Variants in ZFPL1 observed in about 807,000 individuals in gnomAD.
ZFPL1 encodes the protein zinc finger protein-like 1.
Under a neutral mutation model 32.0 loss-of-function variants are expected in ZFPL1, and 28 were observed. The observed-to-expected ratio is 0.87, with a 90% confidence interval of 0.65 to 1.20. ZFPL1 has a LOEUF of 1.20. Among genes scored for constraint, ZFPL1 ranks in the 50% most tolerant of loss-of-function variants. ZFPL1 has a pLI of 0.00. For synonymous variants in ZFPL1, 165 were observed against 177.0 expected, an observed-to-expected ratio of 0.93 and a Z score of 0.54; for missense variants, 386 against 424.8, an observed-to-expected ratio of 0.91 and a Z score of 0.80.
chr11:65,084,237 G>A lies in ZFPL1; in HGVS notation c.-150G>A, dbSNP rs1281585658. ...CGCACCCGGAAGAGACGTGGCAGCG[G>A]AGGGATAATCGGGGCGGCCGGGGCT... On this transcript the variant is annotated 5_prime_UTR_variant, in exon 1 of 8. Coordinates refer to ENST00000294258, the MANE Select transcript of ZFPL1 (RefSeq NM_006782.4). 3.3e-5 allele frequency: 19 copies of A among 582,468 alleles called. No homozygotes were observed. Among genetic ancestry groups the A allele is most frequent in the East Asian group, 2.1e-4 (7 of 33,890 alleles). 36.1% of individuals were successfully genotyped at this position (582,468 alleles called of 1,614,324 possible). A position where few individuals can be genotyped will look rare whatever the true frequency, so the allele number is the denominator to read the frequency against.
intron 1 of ZFPL1, 93 bp from the exon 2 acceptor site, chr11:65,084,598 G>A: frequency 9.8e-7 from 1 of 1,025,470 alleles, no homozygotes; most frequent in Non-Finnish European, 1.5e-6. Context: ...TATGAGAGGT[G>A]TCTGGGGGAG....
In ZFPL1 at chr11:65,087,350, C is replaced by T; in HGVS notation, c.663C>T (p.Asp221=). The change falls in exon 7 of 8, where the codon GAC becomes GAT. Residue 221 remains aspartate, a synonymous_variant. Coordinates refer to ENST00000294258, the MANE Select transcript of ZFPL1 (RefSeq NM_006782.4). ...AGGTGTATGATACGCGGGATGATGA[C>T]CGGACACCAGGCCTCCATGGAGACT... ...PRKVYDTRDD[D]RTPGLHGDCD... is the part of the protein sequence containing the mutation. 6.2e-7 allele frequency: 1 copy of T among 1,614,152 alleles called. No homozygotes were observed. The highest frequency in any genetic ancestry group is 8.5e-7 in the Non-Finnish European group (1 of 1,180,012).
intron 3 of ZFPL1, chr11:65,085,550 G>A (rs1947669163): frequency 2.6e-6 from 1 of 390,164 alleles, no homozygotes; most frequent in Non-Finnish European, 4.8e-6. Context: ...AGACCGGCAT[G>A]TTGCTTTCAG....
At position 65,088,214 on chromosome 11, in the gene ZFPL1, C is replaced by T. The variant is rs1030407751; in HGVS notation, c.*100C>T. ...GGGCACCTCTTCACTGCCCCTCTCC[C>T]TCAAGCCTAAGACACTAAGACCCCA... On this transcript the variant is annotated 3_prime_UTR_variant, in exon 8 of 8. Coordinates refer to ENST00000294258, the MANE Select transcript of ZFPL1 (RefSeq NM_006782.4). The T allele has an allele frequency of 9.8e-6, 14 of 1,431,988 alleles. No homozygotes were observed. The highest frequency in any genetic ancestry group is 1.3e-5 in the Non-Finnish European group (14 of 1,051,958). 88.7% of individuals were successfully genotyped at this position (1,431,988 alleles called of 1,614,324 possible). A position where few individuals can be genotyped will look rare whatever the true frequency, so the allele number is the denominator to read the frequency against.
chr11:65,087,898 C>A, intron 7 of ZFPL1, 30 bp from the exon 8 acceptor site: 1 of 1,534,666 alleles, frequency 6.5e-7, no homozygotes, highest in Non-Finnish European at 8.7e-7. Flanking sequence ...GGGACTGGGG[C>A]CTGACCTGAT....
chr11:65,087,260 T>C (rs1947689107), intron 6 of ZFPL1, 56 bp from the exon 7 acceptor site: 2 of 1,595,608 alleles, frequency 1.3e-6, no homozygotes, highest in Admixed American at 3.3e-5. Context: ...CCCCTAGCCC[T>C]CCCCAAAGCG....
rs1947697948 is a variant in ZFPL1 at position 65,088,113 on chromosome 11, G to T, written c.932G>T (p.Ter311LeuextTer10). The change falls in exon 8 of 8, where the codon TGA (stop) becomes TTA (leucine). Residue 311 changes from the stop codon to leucine, a stop_lost. Coordinates refer to ENST00000294258, the MANE Select transcript of ZFPL1 (RefSeq NM_006782.4). ...MNPHIRVGPS[*>L] ...CCTCACATCCGCGTGGGCCCCTCCT[G>T]AGCCCCCTTGCTTGTGGCTAGGCCA... 1 of 1,605,444 alleles carries T rather than the reference G, an allele frequency of 6.2e-7. No individual in the cohort carries two copies.
Position 65,086,598 on chromosome 11 carries a change from G to C in ZFPL1, c.398G>C (p.Gly133Ala). 6.2e-7 allele frequency: 1 copy of C among 1,613,972 alleles called. No homozygotes were observed. Among genetic ancestry groups the C allele is most frequent in the Non-Finnish European group, 8.5e-7 (1 of 1,179,892 alleles). Residue 133 changes from glycine (G) to alanine (A), a missense_variant, in exon 4 of 8, where the codon GGC becomes GCC. By Grantham distance (60) the Gly-to-Ala change is moderately conservative. Coordinates refer to ENST00000294258, the MANE Select transcript of ZFPL1 (RefSeq NM_006782.4). ...GTCAACTGGGCCCGGGCAGGACTGGGCCTCCCTCTGGTGAGAGTCCCTCGT... is the reference window on the plus strand; with the variant it reads ...GTCAACTGGGCCCGGGCAGGACTGGCCCTCCCTCTGGTGAGAGTCCCTCGT... ...ATVNWARAGLGLPLIDEVVSP... is the reference protein window; with the variant it reads ...ATVNWARAGLALPLIDEVVSP...
chr11:65,086,868 C>T (rs1291238283), intron 5 of ZFPL1, 60 bp from the exon 6 acceptor site: 3 of 1,613,484 alleles, frequency 1.9e-6, no homozygotes, highest in East Asian at 4.5e-5. Context: ...TCTGCAGTCA[C>T]ATGCTCTACC....
Position 65,084,738 on chromosome 11 carries a change from C to G in ZFPL1, c.40C>G (p.Leu14Val), listed in dbSNP as rs1388614948. 1 of 1,614,006 alleles carries G rather than the reference C, an allele frequency of 6.2e-7. No individual in the cohort carries two copies. Among genetic ancestry groups the G allele is most frequent in the Non-Finnish European group, 8.5e-7 (1 of 1,180,026 alleles). ...CKCPKRKVTNLFCFEHRVNVC... is the reference protein window; with the variant it reads ...CKCPKRKVTNVFCFEHRVNVC... ...GTGCCCCAAGAGAAAGGTGACCAACCTGTTCTGCTTCGAACATCGGGTCAA... is the reference window on the plus strand; with the variant it reads ...GTGCCCCAAGAGAAAGGTGACCAACGTGTTCTGCTTCGAACATCGGGTCAA... The change falls in exon 2 of 8, where the codon CTG becomes GTG. Residue 14 changes from leucine (L) to valine (V), a missense_variant. By Grantham distance (32) the Leu-to-Val change is conservative. Coordinates refer to ENST00000294258, the MANE Select transcript of ZFPL1 (RefSeq NM_006782.4).
At position 65,088,227 on chromosome 11, in the gene ZFPL1, C is replaced by T; in HGVS notation, c.*113C>T. The stretch of plus-strand genomic sequence containing the variant: ...CTGCCCCTCTCCCTCAAGCCTAAGA[C>T]ACTAAGACCCCAGACCCAAAGCCAA... On this transcript the variant is annotated 3_prime_UTR_variant, in exon 8 of 8. Transcript: ENST00000294258. 1 of 1,361,580 alleles carries T rather than the reference C, an allele frequency of 7.3e-7. No homozygotes were observed. Among genetic ancestry groups the T allele is most frequent in the Admixed American group, 2.3e-5 (1 of 44,336 alleles). The allele number at this position is 1,361,580 out of a possible 1,614,324, so 84.3% of individuals were successfully genotyped here.
chr11:65,087,925 C>A lies in ZFPL1; in HGVS notation c.747-3C>A, dbSNP rs768458166. 3.9e-6 allele frequency: 6 copies of A among 1,556,768 alleles called. No individual in the cohort carries two copies. Among genetic ancestry groups the A allele is most frequent in the East Asian group, 2.3e-5 (1 of 43,784 alleles). On this transcript the variant is annotated splice_polypyrimidine_tract_variant and splice_region_variant and intron_variant, in intron 7 of 7. Transcript: ENST00000294258. ...TGACCTGATTTTCCCCTCATCCCCC[C>A]AGGAGCCGGGCTGGGTCTCGGAAGC...
At chr11:65,085,316 T>A in intron 3 of ZFPL1, 90 bp downstream of exon 3, 1 of 1,154,020 alleles carries the variant, frequency 8.7e-7, no homozygotes, top group Non-Finnish European at 1.3e-6. Flanking sequence ...AGCAGGACAG[T>A]GAGTCCCCCG....
intron 7 of ZFPL1, 155 bp from the exon 8 acceptor site, chr11:65,087,773 A>G (rs1480435122): frequency 6.3e-6 from 5 of 789,702 alleles, no homozygotes; most frequent in Admixed American, 5.9e-5. Flanking sequence ...TGAGCTGCAC[A>G]ATAACGCCCT....
rs1947682248 is a variant in ZFPL1 at position 65,086,601 on chromosome 11, T to A, written c.401T>A (p.Leu134His). The A allele has an allele frequency of 6.2e-7, 1 of 1,613,878 alleles. No individual in the cohort carries two copies. The highest frequency in any genetic ancestry group is 2.2e-5 in the East Asian group (1 of 44,874). Residue 134 changes from leucine (L) to histidine (H), a missense_variant, in exon 4 of 8, where the codon CTC becomes CAC. Physicochemically the swap from Leu to His is moderately conservative, Grantham distance 99. Transcript: ENST00000294258. Reference protein sequence around the residue: ...TVNWARAGLGLPLIDEVVSPE... With the variant: ...TVNWARAGLGHPLIDEVVSPE... ...AACTGGGCCCGGGCAGGACTGGGCC[T>A]CCCTCTGGTGAGAGTCCCTCGTCTG...
chr11:65,086,871 G>A (rs1361630670), intron 5 of ZFPL1, 57 bp from the exon 6 acceptor site: 4 of 1,613,298 alleles, frequency 2.5e-6, no homozygotes, highest in Non-Finnish European at 3.4e-6. Context: ...GCAGTCACAT[G>A]CTCTACCCCT....
intron 3 of ZFPL1, chr11:65,086,209 G>A: frequency 1.4e-6 from 1 of 701,006 alleles, no homozygotes. Context: ...ACCCCTGTGA[G>A]CTGGACAGCT....
At position 65,085,160 on chromosome 11, in the gene ZFPL1, A is replaced by G; in HGVS notation, c.148A>G (p.Asn50Asp). 1 of 1,614,090 alleles carries G rather than the reference A, an allele frequency of 6.2e-7. No homozygotes were observed. Among genetic ancestry groups the G allele is most frequent in the East Asian group, 2.2e-5 (1 of 44,874 alleles). Reference sequence around the variant, plus strand: ...GCAATGGCTCCAAGATAGCGACTACAACCCCAATTGCCGCCTGTGCAACAT... The same window carrying G: ...GCAATGGCTCCAAGATAGCGACTACGACCCCAATTGCCGCCTGTGCAACAT... ...YLQWLQDSDY[N>D]PNCRLCNIPL... Residue 50 changes from asparagine (N) to aspartate (D), a missense_variant, in exon 3 of 8, where the codon AAC becomes GAC. Physicochemically the swap from Asn to Asp is conservative, Grantham distance 23. Transcript: ENST00000294258.
rs1202435347 is a variant in ZFPL1, at chr11:65,088,222, T to A, written c.*108T>A. 4.0e-5 allele frequency: 54 copies of A among 1,366,034 alleles called. No individual in the cohort carries two copies. Among genetic ancestry groups the A allele is most frequent in the Admixed American group, 4.5e-5 (2 of 44,356 alleles). 84.6% of individuals were successfully genotyped at this position (1,366,034 alleles called of 1,614,324 possible). A position where few individuals can be genotyped will look rare whatever the true frequency, so the allele number is the denominator to read the frequency against. ...CTTCACTGCCCCTCTCCCTCAAGCC[T>A]AAGACACTAAGACCCCAGACCCAAA... On this transcript the variant is annotated 3_prime_UTR_variant, in exon 8 of 8. Transcript: ENST00000294258.
Sources: allele counts gnomAD v4.1 joint callset, GRCh38; gene constraint gnomAD v4.1.1; transcripts MANE v1.5; gene names NCBI Gene and HGNC (gene_info 2026-07-23, HGNC 2026-07-21).